The following SPPL3 variants were observed in gnomAD, a reference collection of about 807,000 sequenced individuals.
SPPL3 encodes the protein signal peptide peptidase like 3.
A neutral mutation model predicts 42.4 loss-of-function variants in SPPL3; 5 were observed. The ratio of observed to expected loss-of-function variants is 0.12; its 90% CI spans 0.06 to 0.25. The LOEUF (loss-of-function observed/expected upper bound fraction) is 0.25. Among genes scored for constraint, SPPL3 ranks in the 10% least tolerant of loss-of-function variants. The pLI is 1.00. For synonymous variants in SPPL3, 195 were observed against 181.8 expected, an observed-to-expected ratio of 1.07 and a Z score of -0.58; for missense variants, 235 against 489.0, an observed-to-expected ratio of 0.48 and a Z score of 4.90.
chr12:120,814,865 C>A (rs1404605446), intron 1 of SPPL3, among the ~76,000 whole-genome samples: 2 of 152,132 alleles, frequency 1.3e-5, no homozygotes, highest in Admixed American at 1.3e-4. Flanking sequence ...CCCTCTACCC[C>A]CCTTTTACAA....
intron 1 of SPPL3, among the ~76,000 whole-genome samples, chr12:120,894,669 G>A (rs1203940799): frequency 6.6e-6 from 1 of 152,218 alleles, no homozygotes; most frequent in Non-Finnish European, 1.5e-5. Flanking sequence ...CTACTGGCCA[G>A]GCGCAGTGGC....
rs1426696693 is a variant in SPPL3, at chr12:120,762,938, C to T, written c.*2061G>A. On this transcript the variant is annotated 3_prime_UTR_variant, in exon 11 of 11. Coordinates refer to ENST00000353487, the MANE Select transcript of SPPL3 (RefSeq NM_139015.5). ...CTTAATCCGAGTCATTTTGGAGCCCCCCTCTCTGTCTCTGGGCCTGCTTAA... is the reference window on the plus strand; with the variant it reads ...CTTAATCCGAGTCATTTTGGAGCCCTCCTCTCTGTCTCTGGGCCTGCTTAA... The T allele has an allele frequency of 1.3e-5, 2 of 152,216 alleles. No individual in the cohort carries two copies. The highest frequency in any genetic ancestry group is 1.9e-4 in the East Asian group (1 of 5,196). The allele number at this position is 152,216 out of a possible 1,614,324, so 9.4% of individuals were successfully genotyped here.
chr12:120,804,858 G>C (rs1870436933), intron 2 of SPPL3, among the ~76,000 whole-genome samples: 1 of 152,126 alleles, frequency 6.6e-6, no homozygotes, highest in African/African-American at 2.4e-5. Flanking sequence ...ACGTCTATCA[G>C]CCAATGAATG....
At chr12:120,883,519 C>T (rs916943254) in intron 1 of SPPL3, among the ~76,000 whole-genome samples, 1 of 152,004 alleles carries the variant, frequency 6.6e-6, no homozygotes, top group African/African-American at 2.4e-5. Context: ...TATATAAACC[C>T]TAAGAAAACT....
chr12:120,849,337 T>C (rs1177465784), intron 1 of SPPL3, among the ~76,000 whole-genome samples: 1 of 152,106 alleles, frequency 6.6e-6, no homozygotes, highest in Non-Finnish European at 1.5e-5. Flanking sequence ...TTTCAGGTAA[T>C]CAATACCAAC....
At chr12:120,888,221 G>A (rs905913482) in intron 1 of SPPL3, among the ~76,000 whole-genome samples, 8 of 151,928 alleles carry the variant, frequency 5.3e-5, no homozygotes, top group African/African-American at 1.7e-4. Flanking sequence ...GATTACAGGC[G>A]TCCACCACCA....
chr12:120,828,405 T>TAA (rs33981750), intron 1 of SPPL3, among the ~76,000 whole-genome samples: 36,624 of 151,544 alleles, frequency 0.24, 5,533 homozygotes, highest in Non-Finnish European at 0.35. Context: ...GTTTTTGCCT[T>TAA]AAAAAAAACT....
chr12:120,804,036 G>C (rs1008026644), intron 2 of SPPL3, among the ~76,000 whole-genome samples: 3 of 152,082 alleles, frequency 2.0e-5, no homozygotes, highest in African/African-American at 4.8e-5. Flanking sequence ...TCTTATTAAA[G>C]AACTCAGCAT....
chr12:120,831,665 A>G (rs757805674), intron 1 of SPPL3, among the ~76,000 whole-genome samples: 28 of 152,280 alleles, frequency 1.8e-4, no homozygotes, highest in Non-Finnish European at 3.4e-4. Flanking sequence ...AATAAAAACA[A>G]AACATGAATT....
intron 1 of SPPL3, among the ~76,000 whole-genome samples, chr12:120,855,440 C>T (rs982047911): frequency 1.7e-4 from 26 of 152,114 alleles, no homozygotes; most frequent in Admixed American, 1.7e-3. Flanking sequence ...GTAATCCTAG[C>T]ACTTTGGGAG....
intron 6 of SPPL3, among the ~76,000 whole-genome samples, chr12:120,779,880 C>T (rs983065704): frequency 6.8e-6 from 1 of 146,096 alleles, no homozygotes; most frequent in Non-Finnish European, 1.5e-5. Flanking sequence ...CACCTGTAAT[C>T]CCAGTTACTC....
chr12:120,794,948 A>G (rs1870048738), intron 2 of SPPL3, among the ~76,000 whole-genome samples: 1 of 152,198 alleles, frequency 6.6e-6, no homozygotes, highest in South Asian at 2.1e-4. Context: ...TCTTTAACAC[A>G]GTCTACCTTC....
chr12:120,775,057 C>T lies in SPPL3; in HGVS notation c.503-5998G>A, dbSNP rs570354675. Among the ~76,000 whole-genome samples the T allele has an allele frequency of 2.6e-5, 4 of 152,294 alleles. No individual in the cohort carries two copies. In the East Asian group the frequency reaches 7.7e-4, roughly 29 times the overall value. On this transcript the variant is annotated intron_variant, in intron 6 of 10. Coordinates refer to ENST00000353487, the MANE Select transcript of SPPL3 (RefSeq NM_139015.5). ...ATGTTCTCTACGAGGATGACATAACCTGTAAGGTTTCTAAGCAGTGCTCAC... is the reference window on the plus strand; with the variant it reads ...ATGTTCTCTACGAGGATGACATAACTTGTAAGGTTTCTAAGCAGTGCTCAC...
Position 120,797,034 on chromosome 12 carries a change from G to A in SPPL3, c.102-5477C>T, listed in dbSNP as rs145756019. 7.6e-3 allele frequency among the ~76,000 whole-genome samples: 1,156 copies of A among 152,262 alleles called. 15 individuals carry two copies. The highest frequency in any genetic ancestry group is 0.026 in the African/African-American group (1,088 of 41,526). ...AAAATACAAAAATTAGCCAGGTGTG[G>A]TGGTGGGTGCCTGTAATCCGAGCTA... On this transcript the variant is annotated intron_variant, in intron 2 of 10. Transcript: ENST00000353487.
intron 3 of SPPL3, among the ~76,000 whole-genome samples, chr12:120,791,073 G>A (rs1381864383): frequency 3.3e-5 from 5 of 151,772 alleles, no homozygotes; most frequent in African/African-American, 1.2e-4. Flanking sequence ...GCCTACCTTG[G>A]CCTCCCAAAG....
intron 1 of SPPL3, among the ~76,000 whole-genome samples, chr12:120,821,248 C>T (rs2062507): frequency 0.31 from 47,685 of 152,116 alleles, 9,077 homozygotes; most frequent in Middle Eastern, 0.45. Flanking sequence ...TTAAAGGCTT[C>T]GATGGCAATA....
At chr12:120,848,010 G>A (rs1218202640) in intron 1 of SPPL3, among the ~76,000 whole-genome samples, 1 of 152,158 alleles carries the variant, frequency 6.6e-6, no homozygotes, top group East Asian at 1.9e-4. Context: ...AAGGCATTAT[G>A]TAAAACTTAA....
chr12:120,813,325 T>C lies in SPPL3; in HGVS notation c.24-2439A>G, dbSNP rs991867768. 2.0e-5 allele frequency among the ~76,000 whole-genome samples: 3 copies of C among 151,636 alleles called. No homozygotes were observed. The East Asian group carries it at 5.8e-4, about 29-fold the overall frequency. ...AGGCTTTTGGATCCTCAGCTTTTTT[T>C]TTTTTTTTTGAGACGGAGTTTCACT... On this transcript the variant is annotated intron_variant, in intron 1 of 10. Coordinates refer to ENST00000353487, the MANE Select transcript of SPPL3 (RefSeq NM_139015.5).
At chr12:120,832,012 A>G (rs1240367127) in intron 1 of SPPL3, among the ~76,000 whole-genome samples, 1 of 152,242 alleles carries the variant, frequency 6.6e-6, no homozygotes, top group Non-Finnish European at 1.5e-5. Context: ...AAAACCAGCT[A>G]CAGCTCTTGC....
Sources: gnomAD v4.1 joint callset for allele counts (sites outside exome capture counted in the v4.1 genomes callset) on GRCh38, gnomAD v4.1.1 for gene constraint, MANE v1.5 for transcripts, NCBI Gene and HGNC (gene_info 2026-07-23, HGNC 2026-07-21) for gene names.